The following MFSD6 variants were observed in gnomAD, a reference collection of about 807,000 sequenced individuals.
MFSD6 encodes the protein major facilitator superfamily domain-containing protein 6.
A neutral mutation model predicts 56.3 loss-of-function variants in MFSD6; 26 were observed. That is an observed-to-expected ratio of 0.46 (90% CI 0.34 to 0.64). The LOEUF is 0.64. MFSD6 is among the 30% of genes least tolerant of loss of function. The probability of loss-of-function intolerance (pLI) is 0.01; values close to 1 mark genes in which losing one functional copy is unlikely to be tolerated. For synonymous variants in MFSD6, 331 were observed against 366.9 expected, an observed-to-expected ratio of 0.90 and a Z score of 1.12; for missense variants, 750 against 986.2, an observed-to-expected ratio of 0.76 and a Z score of 3.21.
At position 190,492,926 on chromosome 2, in the gene MFSD6, T is replaced by C. The variant is rs1247594425; in HGVS notation, c.1891+3060T>C. ...GAAACACATCCAAACAGAACCTCTT[T>C]AAAGCATAAATCTCACAGGACCTAT... On this transcript the variant is annotated intron_variant, in intron 6 of 7. Transcript: ENST00000392328. The surrounding 1 kb of genome is among the most constrained non-coding windows in gnomAD (Gnocchi z 5.2). 6.6e-6 allele frequency among the ~76,000 whole-genome samples: 1 copy of C among 151,728 alleles called. No homozygotes were observed. The highest frequency in any genetic ancestry group is 1.5e-5 in the Non-Finnish European group (1 of 67,986).
At chr2:190,493,003 A>G (rs1559143330) in intron 6 of MFSD6, among the ~76,000 whole-genome samples, 1 of 152,174 alleles carries the variant, frequency 6.6e-6, no homozygotes, top group Non-Finnish European at 1.5e-5. Context: ...AACAAATAAC[A>G]CAATGATTGG....
In MFSD6 at chr2:190,463,270, T is replaced by C. The variant is rs1014539160; in HGVS notation, c.1533-6488T>C. 6.6e-6 allele frequency among the ~76,000 whole-genome samples: 1 copy of C among 152,202 alleles called. No homozygotes were observed. Among genetic ancestry groups the C allele is most frequent in the Non-Finnish European group, 1.5e-5 (1 of 68,028 alleles). ...ATATTTTAGTTATTTTCTAAAGAGT[T>C]TGGATATATATTTTCTTACTCTCTT... On this transcript the variant is annotated intron_variant, in intron 3 of 7. Transcript: ENST00000392328. This position sits in a 1 kb window ranked among gnomAD's most constrained non-coding sequence, Gnocchi z 4.4.
intron 3 of MFSD6, among the ~76,000 whole-genome samples, chr2:190,444,573 G>A (rs1040465517): frequency 3.2e-4 from 49 of 152,140 alleles, no homozygotes; most frequent in African/African-American, 2.4e-4. Context: ...TGGTTCCATC[G>A]AAGTCATCAT....
At chr2:190,442,490 A>G (rs1251380222) in intron 3 of MFSD6, 1 of 152,106 alleles carries the variant, frequency 6.6e-6, no homozygotes, top group East Asian at 1.9e-4. Flanking sequence ...GAATGTTGCT[A>G]TGCAGGGTAA....
Position 190,469,962 on chromosome 2 carries a change from T to C in MFSD6, c.1630+107T>C, listed in dbSNP as rs1687824936. 2.8e-6 allele frequency: 2 copies of C among 726,384 alleles called. No individual in the cohort carries two copies. The highest frequency in any genetic ancestry group is 1.8e-5 in the African/African-American group (1 of 56,764). 45.0% of individuals were successfully genotyped at this position (726,384 alleles called of 1,614,324 possible). Reference sequence around the variant, plus strand: ...TTCTATAAAGGAAGGGCAGGCCTACTGTTTCATGTGATTTTGAAGTGGTTG... The same window carrying C: ...TTCTATAAAGGAAGGGCAGGCCTACCGTTTCATGTGATTTTGAAGTGGTTG... On this transcript the variant is annotated intron_variant, in intron 4 of 7. Coordinates refer to ENST00000392328, the MANE Select transcript of MFSD6 (RefSeq NM_017694.4). This position sits in a 1 kb window ranked among gnomAD's most constrained non-coding sequence, Gnocchi z 5.3.
Position 190,416,572 on chromosome 2 carries a change from G to T in MFSD6, c.-54+1159G>T, listed in dbSNP as rs1049034054. On this transcript the variant is annotated intron_variant, in intron 2 of 7. Transcript: ENST00000392328. This position sits in a 1 kb window ranked among gnomAD's most constrained non-coding sequence, Gnocchi z 4.1. ...AACAGACATGAACATAAATTCATGAGCACAGATGGATGAAATACTAGCCTA... is the reference window on the plus strand; with the variant it reads ...AACAGACATGAACATAAATTCATGATCACAGATGGATGAAATACTAGCCTA... Among the ~76,000 whole-genome samples the T allele has an allele frequency of 6.6e-6, 1 of 152,186 alleles. No individual in the cohort carries two copies. Among genetic ancestry groups the T allele is most frequent in the Non-Finnish European group, 1.5e-5 (1 of 68,032 alleles).
chr2:190,482,866 ATCTT>A (rs1445263298), intron 4 of MFSD6, among the ~76,000 whole-genome samples: 2 of 43,596 alleles, frequency 4.6e-5, no homozygotes, highest in South Asian at 8.7e-4. Flanking sequence ...TAAGACTATC[ATCTT>A]TTTTTTTTTT....
rs2124989199 is a variant in MFSD6 at position 190,417,313 on chromosome 2, T to C, written c.-54+1900T>C. 6.6e-6 allele frequency among the ~76,000 whole-genome samples: 1 copy of C among 152,324 alleles called. No individual in the cohort carries two copies. The highest frequency in any genetic ancestry group is 1.9e-4 in the East Asian group (1 of 5,188). On this transcript the variant is annotated intron_variant, in intron 2 of 7. Coordinates refer to ENST00000392328, the MANE Select transcript of MFSD6 (RefSeq NM_017694.4). The surrounding 1 kb of genome is among the most constrained non-coding windows in gnomAD (Gnocchi z 5.7). ...TAAAAGTTCAAATGTTGGGAAATCC[T>C]TAGCAAGGTCACAGTAGCAAAACCC... is the stretch of plus-strand genomic sequence containing the variant.
rs1234827727 is a variant in MFSD6, at chr2:190,410,194, CA to C, written c.-176+1692del. ...GTCTGGACTATTAACAGTATTAAGG[CA>C]TTTTTTTGGGTACTTATTATGTTCA... On this transcript the variant is annotated intron_variant, in intron 1 of 7. Coordinates refer to ENST00000392328, the MANE Select transcript of MFSD6 (RefSeq NM_017694.4). The surrounding 1 kb of genome is among the most constrained non-coding windows in gnomAD (Gnocchi z 4.4). Among the ~76,000 whole-genome samples the C allele has an allele frequency of 6.6e-6, 1 of 152,124 alleles. No individual in the cohort carries two copies. Among genetic ancestry groups the C allele is most frequent in the Non-Finnish European group, 1.5e-5 (1 of 68,024 alleles).
rs1287594606 is a variant in MFSD6 at position 190,501,418 on chromosome 2, A to T, written c.*1200A>T. 2.0e-5 allele frequency: 3 copies of T among 152,246 alleles called. No homozygotes were observed. The highest frequency in any genetic ancestry group is 4.4e-5 in the Non-Finnish European group (3 of 68,044). The allele number at this position is 152,246 out of a possible 1,614,324, so 9.4% of individuals were successfully genotyped here. A position where few individuals can be genotyped will look rare whatever the true frequency, so the allele number is the denominator to read the frequency against. ...AAACGTTACAACTGCAGCCAGAACAATGGCTGGGTGGATCGCACGTAAAGC... is the reference window on the plus strand; with the variant it reads ...AAACGTTACAACTGCAGCCAGAACATTGGCTGGGTGGATCGCACGTAAAGC... On this transcript the variant is annotated 3_prime_UTR_variant, in exon 8 of 8. Coordinates refer to ENST00000392328, the MANE Select transcript of MFSD6 (RefSeq NM_017694.4).
At position 190,473,313 on chromosome 2, in the gene MFSD6, C is replaced by A. The variant is rs963053403; in HGVS notation, c.1630+3458C>A. Among the ~76,000 whole-genome samples the A allele has an allele frequency of 8.5e-5, 13 of 152,178 alleles. 1 individual carries two copies. Among genetic ancestry groups the A allele is most frequent in the African/African-American group, 3.1e-4 (13 of 41,488 alleles). On this transcript the variant is annotated intron_variant, in intron 4 of 7. Transcript: ENST00000392328. Reference sequence around the variant, plus strand: ...TGGCAAATTGGATAAAGAGTCAAAACCCATCAGTGTGCTGTATTCAGGAAA... The same window carrying A: ...TGGCAAATTGGATAAAGAGTCAAAAACCATCAGTGTGCTGTATTCAGGAAA...
rs1433501587 is a variant in MFSD6, at chr2:190,469,617, T to C, written c.1533-141T>C. 4 of 393,318 alleles carry C rather than the reference T, an allele frequency of 1.0e-5. No individual in the cohort carries two copies. In the Admixed American group the frequency reaches 1.7e-4, roughly 17 times the overall value. 24.4% of individuals were successfully genotyped at this position (393,318 alleles called of 1,614,324 possible). A position where few individuals can be genotyped will look rare whatever the true frequency, so the allele number is the denominator to read the frequency against. On this transcript the variant is annotated intron_variant, in intron 3 of 7. Coordinates refer to ENST00000392328, the MANE Select transcript of MFSD6 (RefSeq NM_017694.4). The surrounding 1 kb of genome is among the most constrained non-coding windows in gnomAD (Gnocchi z 5.3). ...TTTTCCCACTCCTGAGTTTGGAGTC[T>C]GCTGGATGATGGGTGGTTTGGGGAA...
At position 190,488,992 on chromosome 2, in the gene MFSD6, G is replaced by A. The variant is rs1019241288; in HGVS notation, c.1792+174G>A. On this transcript the variant is annotated intron_variant, in intron 5 of 7. Coordinates refer to ENST00000392328, the MANE Select transcript of MFSD6 (RefSeq NM_017694.4). The surrounding 1 kb of genome is among the most constrained non-coding windows in gnomAD (Gnocchi z 6.4). Reference sequence around the variant, plus strand: ...CATAATTGTAAAGCAGTGTGCTTACGTTGTTAAGCTGATCTGAGCCAGCCT... The same window carrying A: ...CATAATTGTAAAGCAGTGTGCTTACATTGTTAAGCTGATCTGAGCCAGCCT... Among the ~76,000 whole-genome samples the A allele has an allele frequency of 2.0e-5, 3 of 152,102 alleles. No individual in the cohort carries two copies. The highest frequency in any genetic ancestry group is 2.1e-4 in the South Asian group (1 of 4,820).
chr2:190,458,045 G>A lies in MFSD6; in HGVS notation c.1533-11713G>A, dbSNP rs1033906218. 3.3e-5 allele frequency among the ~76,000 whole-genome samples: 5 copies of A among 152,184 alleles called. No homozygotes were observed. The East Asian group carries it at 5.8e-4, about 18-fold the overall frequency. On this transcript the variant is annotated intron_variant, in intron 3 of 7. Transcript: ENST00000392328. This position sits in a 1 kb window ranked among gnomAD's most constrained non-coding sequence, Gnocchi z 5.3. ...AGCCTCACTCTGACTGTTGAGGCCCGAGGAAGCTGCCAGCGGTGTCACACA... is the reference window on the plus strand; with the variant it reads ...AGCCTCACTCTGACTGTTGAGGCCCAAGGAAGCTGCCAGCGGTGTCACACA...
intron 4 of MFSD6, chr2:190,477,182 T>C (rs997072502): frequency 3.0e-5 from 26 of 872,518 alleles, no homozygotes; most frequent in Non-Finnish European, 2.9e-5. Context: ...TGTGCACATG[T>C]ACCCTAAAAC....
At chr2:190,486,616 GT>G (rs1689023530) in intron 4 of MFSD6, among the ~76,000 whole-genome samples, 1 of 152,182 alleles carries the variant, frequency 6.6e-6, no homozygotes, top group South Asian at 2.1e-4. Flanking sequence ...TGTCTCATAT[GT>G]TTTGTCCGGT....
At chr2:190,475,555 T>TAA (rs920084677) in intron 4 of MFSD6, among the ~76,000 whole-genome samples, 1 of 152,026 alleles carries the variant, frequency 6.6e-6, no homozygotes, top group African/African-American at 2.4e-5. Flanking sequence ...CTCAATGAAA[T>TAA]AAAAGAGGAT....
At chr2:190,484,568 T>C (rs575560532) in intron 4 of MFSD6, among the ~76,000 whole-genome samples, 1 of 152,282 alleles carries the variant, frequency 6.6e-6, no homozygotes, top group South Asian at 2.1e-4. Flanking sequence ...TTTTTTGTTA[T>C]TTTAAAACGA....
At chr2:190,414,963 C>A (rs1177811380) in intron 1 of MFSD6, among the ~76,000 whole-genome samples, 2 of 152,034 alleles carry the variant, frequency 1.3e-5, no homozygotes, top group Non-Finnish European at 2.9e-5. Context: ...ATGCATTTTA[C>A]CATGTAGTTA....
Sources: gnomAD v4.1 joint callset for allele counts (sites outside exome capture counted in the v4.1 genomes callset) on GRCh38, gnomAD v4.1.1 for gene constraint, Gnocchi (gnomAD v3.1) non-coding constraint, MANE v1.5 for transcripts, NCBI Gene and HGNC (gene_info 2026-07-23, HGNC 2026-07-21) for gene names.